The following GPC5 variants were observed in gnomAD, a reference collection of about 807,000 sequenced individuals.
GPC5 encodes glypican-5.
In GPC5, 47 loss-of-function variants were observed where a neutral mutation model predicts 53.9. The observed-to-expected ratio is 0.87, with a 90% CI of 0.69 to 1.11. The LOEUF is 1.11. Among genes scored for constraint, GPC5 ranks in the 50% most tolerant of loss-of-function variants. GPC5 has a pLI of 0.00. For synonymous variants in GPC5, 286 were observed against 263.3 expected, an observed-to-expected ratio of 1.09 and a Z score of -0.84; for missense variants, 748 against 713.1, an observed-to-expected ratio of 1.05 and a Z score of -0.56.
Position 92,303,669 on chromosome 13 carries a change from A to C in GPC5, c.1561+158680A>C, listed in dbSNP as rs2139200751. ...AGCAGCATTGCCCAACACAAACCAAAAGCAGCTGATCAGCGAGGATGTGAA... is the reference window on the plus strand; with the variant it reads ...AGCAGCATTGCCCAACACAAACCAACAGCAGCTGATCAGCGAGGATGTGAA... On this transcript the variant is annotated intron_variant, in intron 7 of 7. Transcript: ENST00000377067. Among the ~76,000 whole-genome samples the C allele has an allele frequency of 1.3e-5, 2 of 152,324 alleles. 1 individual carries two copies. Among genetic ancestry groups the C allele is most frequent in the South Asian group, 4.1e-4 (2 of 4,828 alleles).
chr13:92,654,190 T>C (rs2139171314), intron 7 of GPC5, among the ~76,000 whole-genome samples: 1 of 152,358 alleles, frequency 6.6e-6, no homozygotes, highest in East Asian at 1.9e-4. Flanking sequence ...TGTGAATGAA[T>C]ACCCTTAAAA....
chr13:91,677,210 T>C (rs1456526316), intron 2 of GPC5, among the ~76,000 whole-genome samples: 2 of 152,160 alleles, frequency 1.3e-5, no homozygotes, highest in Non-Finnish European at 2.9e-5. Context: ...AGGGGTGCAA[T>C]ACAGAGGAAT....
chr13:92,802,433 T>G (rs1476928867), intron 7 of GPC5, among the ~76,000 whole-genome samples: 2 of 151,880 alleles, frequency 1.3e-5, no homozygotes, highest in Non-Finnish European at 2.9e-5. Context: ...TATATATTTA[T>G]TATACTTTAA....
chr13:92,539,758 T>C (rs1379739063), intron 7 of GPC5, among the ~76,000 whole-genome samples: 1 of 151,950 alleles, frequency 6.6e-6, no homozygotes, highest in Non-Finnish European at 1.5e-5. Context: ...CACCTCTCTA[T>C]ATGCACTTAC....
chr13:92,593,588 A>G (rs1175847160), intron 7 of GPC5, among the ~76,000 whole-genome samples: 1 of 151,096 alleles, frequency 6.6e-6, no homozygotes, highest in Admixed American at 6.6e-5. Context: ...AGAGGACTGA[A>G]TTTTATCAAC....
chr13:92,276,811 A>G (rs187100804), intron 7 of GPC5, among the ~76,000 whole-genome samples: 3 of 152,220 alleles, frequency 2.0e-5, no homozygotes, highest in Non-Finnish European at 4.4e-5. Context: ...ATTGCCAAAC[A>G]TTAATATCTT....
chr13:91,600,360 T>TGA, intron 2 of GPC5, among the ~76,000 whole-genome samples: 1 of 151,492 alleles, frequency 6.6e-6, no homozygotes, highest in South Asian at 2.1e-4. Context: ...TGTGTGTGTG[T>TGA]GTGTGTGTAT....
At chr13:92,250,358 G>C (rs568954784) in intron 7 of GPC5, among the ~76,000 whole-genome samples, 1 of 152,220 alleles carries the variant, frequency 6.6e-6, no homozygotes, top group South Asian at 2.1e-4. Context: ...AGATTGGTTT[G>C]AATTAAAACC....
chr13:92,703,052 A>ATATATTTATT (rs997997917), intron 7 of GPC5, among the ~76,000 whole-genome samples: 1 of 145,772 alleles, frequency 6.9e-6, no homozygotes, highest in Non-Finnish European at 1.5e-5. Context: ...GCATATATAT[A>ATATATTTATT]TATTTATTTA....
intron 7 of GPC5, among the ~76,000 whole-genome samples, chr13:92,473,770 C>T (rs1414537636): frequency 6.6e-6 from 1 of 152,056 alleles, no homozygotes; most frequent in East Asian, 1.9e-4. Context: ...AAAATTACTG[C>T]TCTATTGCAT....
intron 6 of GPC5, among the ~76,000 whole-genome samples, chr13:91,933,841 G>T (rs1009329136): frequency 1.3e-5 from 2 of 151,888 alleles, no homozygotes; most frequent in African/African-American, 2.4e-5. Context: ...ATGATAATTT[G>T]CATGTCTTGC....
intron 1 of GPC5, among the ~76,000 whole-genome samples, chr13:91,444,624 T>A (rs896201842): frequency 6.6e-6 from 1 of 152,208 alleles, no homozygotes; most frequent in Middle Eastern, 3.2e-3. Context: ...TTTATTTTCC[T>A]TTGCACTTTG....
rs141943244 is a variant in GPC5 at position 92,274,677 on chromosome 13, T to C, written c.1561+129688T>C. Among the ~76,000 whole-genome samples the C allele has an allele frequency of 3.0e-4, 46 of 152,254 alleles. No individual in the cohort carries two copies. The East Asian group carries it at 7.9e-3, about 26-fold the overall frequency. Reference sequence around the variant, plus strand: ...GCTAAAATGGGGAAGGATCCATGTATAAGCTCACACCATTGTCAATAGCAC... The same window carrying C: ...GCTAAAATGGGGAAGGATCCATGTACAAGCTCACACCATTGTCAATAGCAC... On this transcript the variant is annotated intron_variant, in intron 7 of 7. Transcript: ENST00000377067.
chr13:92,781,210 C>T (rs1408809542), intron 7 of GPC5, among the ~76,000 whole-genome samples: 1 of 151,992 alleles, frequency 6.6e-6, no homozygotes, highest in Non-Finnish European at 1.5e-5. Context: ...ATATTAGATG[C>T]TTCAGTAACA....
intron 6 of GPC5, among the ~76,000 whole-genome samples, chr13:91,983,907 A>G (rs1354343906): frequency 6.6e-6 from 1 of 152,190 alleles, no homozygotes; most frequent in Admixed American, 6.5e-5. Flanking sequence ...AGAATAAATC[A>G]GACACTCTGC....
chr13:92,645,853 A>ATT (rs143264645), intron 7 of GPC5, among the ~76,000 whole-genome samples: 1 of 151,670 alleles, frequency 6.6e-6, no homozygotes, highest in African/African-American at 2.4e-5. Flanking sequence ...TATTTTACCT[A>ATT]ATTTTTTTAA....
intron 7 of GPC5, among the ~76,000 whole-genome samples, chr13:92,753,054 A>C (rs904018168): frequency 6.6e-6 from 1 of 152,198 alleles, no homozygotes; most frequent in Non-Finnish European, 1.5e-5. Flanking sequence ...GACAAACAAA[A>C]AGACAGCAGT....
rs118010521 is a variant in GPC5, at chr13:91,616,205, T to C, written c.326-76982T>C. ...TGTCTGTTAATTGTTGATTCTTGTT[T>C]CATTATGGAGCTGGGCACCCTGACA... On this transcript the variant is annotated intron_variant, in intron 2 of 7. Transcript: ENST00000377067. 4.8e-4 allele frequency among the ~76,000 whole-genome samples: 73 copies of C among 152,276 alleles called. 1 individual carries two copies. The East Asian group carries it at 9.9e-3, about 21-fold the overall frequency.
At chr13:92,457,241 C>T (rs1878304085) in intron 7 of GPC5, among the ~76,000 whole-genome samples, 1 of 152,018 alleles carries the variant, frequency 6.6e-6, no homozygotes, top group African/African-American at 2.4e-5. Flanking sequence ...TTATCCAATC[C>T]ACCACTGACA....
Sources: allele counts gnomAD v4.1 joint callset (sites outside exome capture counted in the v4.1 genomes callset), GRCh38; gene constraint gnomAD v4.1.1; transcripts MANE v1.5; gene names NCBI Gene and HGNC (gene_info 2026-07-23, HGNC 2026-07-21).